The following AGBL1 variants were observed in gnomAD, a reference collection of about 807,000 sequenced individuals.
The protein encoded by AGBL1 is AGBL carboxypeptidase 1.
A neutral mutation model predicts 118.9 loss-of-function variants in AGBL1; 130 were observed. The ratio of observed to expected loss-of-function variants is 1.09; its 90% CI spans 0.95 to 1.26. The LOEUF (loss-of-function observed/expected upper bound fraction) is 1.26. Among genes scored for constraint, AGBL1 ranks in the 50% most tolerant of loss-of-function variants. The probability of loss-of-function intolerance (pLI) is 0.00; values close to 1 mark genes in which losing one functional copy is unlikely to be tolerated. For missense variants in AGBL1, 1,584 were observed against 1,298.1 expected (o/e 1.22, Z -3.38); for synonymous variants, 555 against 478.9 (o/e 1.16, Z -2.08).
At position 86,960,442 on chromosome 15, in the gene AGBL1, G is replaced by T. The variant is rs139110411; in HGVS notation, c.3222-27545G>T. 1.2e-3 allele frequency among the ~76,000 whole-genome samples: 183 copies of T among 152,128 alleles called. 1 individual carries two copies. In the East Asian group the frequency reaches 0.032, roughly 27 times the overall value. ...ATAGGGTAAGGATCAGATTCAAGTA[G>T]AGCTTGACACAAGAGAAAGTCATTA... On this transcript the variant is annotated intron_variant, in intron 23 of 24. Coordinates refer to the AGBL1 transcript ENST00000441037.
chr15:86,198,543 A>T (rs952849504), intron 5 of AGBL1, among the ~76,000 whole-genome samples: 1 of 152,154 alleles, frequency 6.6e-6, no homozygotes, highest in African/African-American at 2.4e-5. Context: ...TGATGCCCTA[A>T]TCCCCAATGT....
Position 86,988,084 on chromosome 15 carries a change from TC to T in AGBL1, c.3323del (p.Pro1108GlnfsTer12). The T allele has an allele frequency of 6.2e-7, 1 of 1,613,470 alleles. No homozygotes were observed. The highest frequency in any genetic ancestry group is 1.1e-5 in the South Asian group (1 of 91,026). On this transcript the variant is annotated frameshift_variant, in exon 24 of 25. Transcript: ENST00000441037. LOFTEE classifies it high-confidence loss of function. ...CAAGATGAACCTTCTTCTGCATGTC[TC>T]CCCGTGAGTATGTCAGTTTCCTGAT...
At chr15:86,168,094 C>T (rs7168668) in intron 5 of AGBL1, among the ~76,000 whole-genome samples, 3,597 of 152,216 alleles carry the variant, frequency 0.024, 65 homozygotes, top group East Asian at 0.071. Context: ...ATTCATTCAG[C>T]AGTATTGTGG....
chr15:86,313,893 G>C (rs1657082836), intron 17 of AGBL1, among the ~76,000 whole-genome samples: 1 of 152,186 alleles, frequency 6.6e-6, no homozygotes, highest in South Asian at 2.1e-4. Context: ...TGTTCATTAA[G>C]TGGGAGCAGG....
At chr15:86,839,161 G>A (rs1172951162) in intron 22 of AGBL1, among the ~76,000 whole-genome samples, 1 of 152,000 alleles carries the variant, frequency 6.6e-6, no homozygotes, top group East Asian at 1.9e-4. Flanking sequence ...TGAACACCCA[G>A]CTGCATTCAT....
At chr15:86,934,304 A>C (rs1434860312) in intron 23 of AGBL1, among the ~76,000 whole-genome samples, 7 of 152,164 alleles carry the variant, frequency 4.6e-5, no homozygotes, top group Admixed American at 3.9e-4. Flanking sequence ...TTATCTCTTT[A>C]AGTGTCCAGA....
At chr15:86,264,087 C>T (rs2079033906) in intron 10 of AGBL1, among the ~76,000 whole-genome samples, 171 bp from the exon 11 acceptor site, 1 of 152,116 alleles carries the variant, frequency 6.6e-6, no homozygotes, top group Admixed American at 6.5e-5. Context: ...TTCTATGATT[C>T]TGTCATTTAT....
chr15:86,922,646 A>T (rs1242466627), intron 23 of AGBL1, among the ~76,000 whole-genome samples: 2 of 152,260 alleles, frequency 1.3e-5, no homozygotes, highest in Admixed American at 6.5e-5. Context: ...TCATAATTAT[A>T]GCTATAATTT....
At chr15:86,981,720 C>G (rs986924252) in intron 23 of AGBL1, among the ~76,000 whole-genome samples, 14 of 152,036 alleles carry the variant, frequency 9.2e-5, no homozygotes, top group African/African-American at 3.4e-4. Flanking sequence ...CTTTGAATGC[C>G]TATGACCAAA....
intron 22 of AGBL1, among the ~76,000 whole-genome samples, chr15:86,805,757 C>G (rs1442810303): frequency 6.6e-6 from 1 of 152,090 alleles, no homozygotes; most frequent in African/African-American, 2.4e-5. Context: ...CCCAAATATA[C>G]AGGATAGGCA....
chr15:86,302,925 T>C (rs2079776885), intron 17 of AGBL1, among the ~76,000 whole-genome samples: 1 of 152,198 alleles, frequency 6.6e-6, no homozygotes, highest in Non-Finnish European at 1.5e-5. Context: ...TAAAAAGTTT[T>C]TATTGAAGGC....
At chr15:86,989,500 C>G (rs1462864268) in intron 24 of AGBL1, among the ~76,000 whole-genome samples, 1 of 151,912 alleles carries the variant, frequency 6.6e-6, no homozygotes, top group Non-Finnish European at 1.5e-5. Context: ...AAGGGTTTCC[C>G]CCTTTTAATC....
intron 22 of AGBL1, among the ~76,000 whole-genome samples, chr15:86,837,060 A>G (rs1385221537): frequency 1.3e-5 from 2 of 152,034 alleles, no homozygotes; most frequent in Non-Finnish European, 2.9e-5. Context: ...AGCCACACAC[A>G]CTCCTTTCCC....
intron 17 of AGBL1, among the ~76,000 whole-genome samples, chr15:86,361,499 ACT>A (rs2080804641): frequency 6.6e-6 from 1 of 151,988 alleles, no homozygotes; most frequent in African/African-American, 2.4e-5. Flanking sequence ...CTTTTTCCTT[ACT>A]GATATTCTGT....
chr15:86,084,894 C>T lies in AGBL1; in HGVS notation c.51+4871C>T, dbSNP rs560516035. 3.1e-3 allele frequency among the ~76,000 whole-genome samples: 470 copies of T among 152,286 alleles called. 1 individual carries two copies. The highest frequency in any genetic ancestry group is 4.7e-3 in the African/African-American group (196 of 41,556). On this transcript the variant is annotated intron_variant, in intron 1 of 22. Transcript: ENST00000614907. ...CCACCCATCCACCTATCCATTCATT[C>T]GCCTAGCCATAGCTTTCTATGTGCT... is the stretch of plus-strand genomic sequence containing the variant.
At chr15:86,923,023 C>G (rs1251136161) in intron 23 of AGBL1, among the ~76,000 whole-genome samples, 3 of 152,130 alleles carry the variant, frequency 2.0e-5, no homozygotes, top group African/African-American at 7.2e-5. Flanking sequence ...TGATCCCACC[C>G]AGGGCACTGC....
At chr15:86,397,325 TA>T (rs762092406) in intron 17 of AGBL1, 40 bp from the exon 18 acceptor site, 1 of 1,379,684 alleles carries the variant, frequency 7.2e-7, no homozygotes, top group Non-Finnish European at 9.6e-7. Context: ...AGAGCAATAT[TA>T]AAATTTGGGT....
At chr15:86,563,642 T>G (rs1216471553) in intron 21 of AGBL1, among the ~76,000 whole-genome samples, 1 of 152,200 alleles carries the variant, frequency 6.6e-6, no homozygotes, top group Non-Finnish European at 1.5e-5. Context: ...GGATGTCTGT[T>G]AGGTCCATTT....
intron 1 of AGBL1, among the ~76,000 whole-genome samples, chr15:86,119,339 CTT>C (rs201874874): frequency 6.9e-6 from 1 of 145,670 alleles, no homozygotes. Context: ...TTTGTCTTTG[CTT>C]TTTTTTTTTG....
Sources: allele counts gnomAD v4.1 joint callset (sites outside exome capture counted in the v4.1 genomes callset), GRCh38; gene constraint gnomAD v4.1.1; transcripts MANE v1.5; gene names NCBI Gene and HGNC (gene_info 2026-07-23, HGNC 2026-07-21).